NUP133: variants seen among roughly 807,000 people sequenced by gnomAD.
The protein encoded by NUP133 is nucleoporin 133, also known as nuclear pore complex protein Nup133.
A neutral mutation model predicts 146.2 loss-of-function variants in NUP133; 66 were observed. The observed-to-expected ratio is 0.45, with a 90% CI of 0.37 to 0.55. The LOEUF is 0.55. NUP133 is among the 20% of genes least tolerant of loss of function. The pLI is 0.00. For missense variants in NUP133, 1,277 were observed against 1,374.8 expected, an observed-to-expected ratio of 0.93 and a Z score of 1.12; for synonymous variants, 521 against 498.8, an observed-to-expected ratio of 1.04 and a Z score of -0.59.
chr1:229,452,685 A>C (rs1372759402), intron 21 of NUP133, 42 bp from the exon 22 acceptor site: 2 of 1,474,252 alleles, frequency 1.4e-6, no homozygotes, highest in Non-Finnish European at 1.9e-6. Context: ...AATATGATGA[A>C]ATTTGACTTT....
chr1:229,504,684 C>T (rs767982885), intron 2 of NUP133, among the ~76,000 whole-genome samples: 27 of 152,132 alleles, frequency 1.8e-4, no homozygotes, highest in Non-Finnish European at 2.9e-4. Context: ...TCACGGGAAA[C>T]TTCATAAACC....
chr1:229,443,248 C>G, intron 25 of NUP133, among the ~76,000 whole-genome samples: 1 of 151,508 alleles, frequency 6.6e-6, no homozygotes, highest in African/African-American at 2.4e-5. Context: ...CTATGTGGCC[C>G]AGGCTGGTCT....
chr1:229,473,962 T>G, intron 14 of NUP133, among the ~76,000 whole-genome samples: 1 of 152,168 alleles, frequency 6.6e-6, no homozygotes. Flanking sequence ...ATTCTTTAAT[T>G]TTTCATCCCA....
Position 229,463,585 on chromosome 1 carries a change from G to C in NUP133, c.2643C>G (p.Asn881Lys). Reference sequence around the variant, plus strand: ...TCATGTAGCGCTGGAGTCGGCTCTGGTTGTCAGTCTGCTCACACATTTGTA... The same window carrying C: ...TCATGTAGCGCTGGAGTCGGCTCTGCTTGTCAGTCTGCTCACACATTTGTA... Reference protein sequence around the residue: ...ILVQMCEQTDNQSRLQRYMTQ... With the variant: ...ILVQMCEQTDKQSRLQRYMTQ... Residue 881 changes from asparagine to lysine, a missense_variant, in exon 19 of 26, where the codon AAC becomes AAG. This residue lies in a region of NUP133 where 952 missense variants were observed against 1,047.0 expected (regional missense o/e 0.91). Transcript: ENST00000261396. The C allele has an allele frequency of 6.2e-7, 1 of 1,614,066 alleles. No individual in the cohort carries two copies. The highest frequency in any genetic ancestry group is 1.3e-5 in the African/African-American group (1 of 74,990).
chr1:229,443,202 AT>A (rs771465943), intron 25 of NUP133, among the ~76,000 whole-genome samples: 3,817 of 136,896 alleles, frequency 0.028, 140 homozygotes, highest in African/African-American at 0.092. Context: ...AGCCTAGCTA[AT>A]TTTTTTTTTT....
chr1:229,443,027 T>A (rs949487042), intron 25 of NUP133, among the ~76,000 whole-genome samples: 4 of 151,890 alleles, frequency 2.6e-5, no homozygotes, highest in African/African-American at 7.3e-5. Context: ...TTCTTAATTG[T>A]AGTTTTTATT....
chr1:229,462,390 G>C (rs1183334179), intron 19 of NUP133, among the ~76,000 whole-genome samples: 3 of 152,162 alleles, frequency 2.0e-5, no homozygotes, highest in Non-Finnish European at 4.4e-5. Context: ...GGTTCTCTCT[G>C]GGTGGTGGCA....
chr1:229,458,322 TAA>T, intron 20 of NUP133, 26 bp from the exon 21 acceptor site: 2 of 1,606,172 alleles, frequency 1.2e-6, no homozygotes, highest in African/African-American at 2.7e-5. Context: ...CAAACCATCG[TAA>T]GATACTGAGT....
chr1:229,463,440 C>T (rs1660736136), intron 19 of NUP133, 103 bp downstream of exon 19: 29 of 1,248,912 alleles, frequency 2.3e-5, no homozygotes, highest in Non-Finnish European at 3.1e-5. Context: ...ACAAAAAGAT[C>T]GTATCATATT....
At chr1:229,484,440 G>C (rs965431060) in intron 11 of NUP133, among the ~76,000 whole-genome samples, 1 of 152,136 alleles carries the variant, frequency 6.6e-6, no homozygotes, top group African/African-American at 2.4e-5. Flanking sequence ...AAGCCATCCT[G>C]GGCCGCATGC....
chr1:229,468,966 G>C (rs188767874), intron 15 of NUP133, among the ~76,000 whole-genome samples: 206 of 152,208 alleles, frequency 1.4e-3, no homozygotes, highest in Non-Finnish European at 2.1e-3. Context: ...CACATTTATG[G>C]AATCAACAGG....
chr1:229,463,713 A>G (rs1558093941), intron 18 of NUP133, 37 bp from the exon 19 acceptor site: 1 of 1,556,746 alleles, frequency 6.4e-7, no homozygotes, highest in Non-Finnish European at 8.6e-7. Context: ...AAATCCTGTT[A>G]GCAAAACTTA....
intron 2 of NUP133, among the ~76,000 whole-genome samples, chr1:229,503,075 G>A (rs530052425): frequency 1.3e-5 from 2 of 152,102 alleles, no homozygotes; most frequent in Admixed American, 6.5e-5. Context: ...AGACCAGCCT[G>A]GCCAACATGA....
In NUP133 at chr1:229,499,578, G is replaced by T. The variant is rs1397810528; in HGVS notation, c.648+106C>A. ...GAGCCCAGGAGTTTGAGAATTGCCT[G>T]GGCAACATAAGGAGATCCCACCTCT... On this transcript the variant is annotated intron_variant, in intron 5 of 25. Transcript: ENST00000261396. 9 of 1,219,290 alleles carry T rather than the reference G, an allele frequency of 7.4e-6. No homozygotes were observed. The East Asian group carries it at 2.2e-4, about 30-fold the overall frequency. 75.5% of individuals were successfully genotyped at this position (1,219,290 alleles called of 1,614,324 possible).
At chr1:229,482,888 G>A (rs896137374) in intron 12 of NUP133, among the ~76,000 whole-genome samples, 2 of 152,196 alleles carry the variant, frequency 1.3e-5, no homozygotes, top group Non-Finnish European at 2.9e-5. Context: ...AATAGAGAGC[G>A]AGCTGGCCAG....
At chr1:229,485,470 C>T (rs779440695) in intron 11 of NUP133, among the ~76,000 whole-genome samples, 2 of 152,070 alleles carry the variant, frequency 1.3e-5, no homozygotes, top group African/African-American at 2.4e-5. Flanking sequence ...AAATACAAAA[C>T]GAGGTCATTA....
At chr1:229,445,074 T>C (rs989366564) in intron 24 of NUP133, 72 bp from the exon 25 acceptor site, 46 of 1,140,428 alleles carry the variant, frequency 4.0e-5, no homozygotes, top group Non-Finnish European at 5.5e-5. Flanking sequence ...TTGTTTGCTA[T>C]CATGGTTTTA....
chr1:229,480,833 T>C (rs1661191893), intron 12 of NUP133, among the ~76,000 whole-genome samples: 2 of 150,430 alleles, frequency 1.3e-5, no homozygotes, highest in Admixed American at 1.3e-4. Flanking sequence ...ATTACAGGCA[T>C]GTGCCACCAC....
intron 14 of NUP133, among the ~76,000 whole-genome samples, chr1:229,472,127 GGC>G (rs1174270138): frequency 6.6e-6 from 1 of 150,964 alleles, no homozygotes; most frequent in Non-Finnish European, 1.5e-5. Context: ...AGACCATCCT[GGC>G]TGAAACAGTG....
Sources: gnomAD v4.1 joint callset for allele counts (sites outside exome capture counted in the v4.1 genomes callset) on GRCh38, gnomAD v4.1.1 for gene constraint, gnomAD v4.1.1 regional missense constraint, MANE v1.5 for transcripts, NCBI Gene and HGNC (gene_info 2026-07-23, HGNC 2026-07-21) for gene names.